The following AP1M1 variants were observed in gnomAD, a reference collection of about 807,000 sequenced individuals.
AP1M1 encodes the protein adaptor related protein complex 1 subunit mu 1.
In AP1M1, 18 loss-of-function variants were observed where a neutral mutation model predicts 57.1. The observed-to-expected ratio is 0.32, with a 90% CI of 0.22 to 0.47. AP1M1 has a LOEUF of 0.47. AP1M1 is among the 20% of genes least tolerant of loss of function. The pLI is 1.00. For missense variants in AP1M1, 362 were observed against 593.5 expected, an observed-to-expected ratio of 0.61 and a Z score of 4.05; for synonymous variants, 241 against 237.9, an observed-to-expected ratio of 1.01 and a Z score of -0.12.
intron 6 of AP1M1, chr19:16,226,774 A>C: frequency 1.9e-6 from 1 of 536,186 alleles, no homozygotes; most frequent in Non-Finnish European, 3.2e-6. Flanking sequence ...GGCCCCCGTC[A>C]CCCGGCCTCA....
At position 16,244,411 on chromosome 19, in the gene AP1M1, G is replaced by A. The variant is rs2091655522; in HGVS notation, c.*9976G>A. ...GGGCATGATGCAAGAAGAAATAAAA[G>A]CAAAGAAGTAGAAAATACATGAGAA... On this transcript the variant is annotated 3_prime_UTR_variant, in exon 12 of 12. Transcript: ENST00000291439. 6.6e-6 allele frequency: 1 copy of A among 152,182 alleles called. No homozygotes were observed. The highest frequency in any genetic ancestry group is 6.6e-5 in the Admixed American group (1 of 15,256). The allele number at this position is 152,182 out of a possible 1,614,324, so 9.4% of individuals were successfully genotyped here.
At position 16,241,743 on chromosome 19, in the gene AP1M1, C is replaced by T. The variant is rs905194259; in HGVS notation, c.*7308C>T. The T allele has an allele frequency of 6.6e-6, 1 of 152,216 alleles. No individual in the cohort carries two copies. The highest frequency in any genetic ancestry group is 2.1e-4 in the South Asian group (1 of 4,832). 9.4% of individuals were successfully genotyped at this position (152,216 alleles called of 1,614,324 possible). On this transcript the variant is annotated 3_prime_UTR_variant, in exon 12 of 12. Coordinates refer to ENST00000291439, the MANE Select transcript of AP1M1 (RefSeq NM_032493.4). ...GGCGCGGTGGCTCACGCCTGTAATC[C>T]CAGCACTTTGGGAGGCTGAGGCAGG... is the stretch of plus-strand genomic sequence containing the variant.
At chr19:16,204,075 T>C (rs1315867240) in intron 2 of AP1M1, among the ~76,000 whole-genome samples, 3 of 152,126 alleles carry the variant, frequency 2.0e-5, no homozygotes, top group Non-Finnish European at 4.4e-5. Context: ...ACAGGAAGTC[T>C]CTGGAGGCTT....
intron 4 of AP1M1, chr19:16,208,807 T>C: frequency 2.0e-6 from 1 of 504,690 alleles, no homozygotes; most frequent in Non-Finnish European, 3.5e-6. Flanking sequence ...CTCTATAACT[T>C]GAGTGTATTG....
intron 5 of AP1M1, among the ~76,000 whole-genome samples, chr19:16,220,884 A>G (rs1429958633): frequency 6.6e-6 from 1 of 152,080 alleles, no homozygotes; most frequent in Non-Finnish European, 1.5e-5. Context: ...GGCATCCATC[A>G]TTTCTGGTGA....
chr19:16,219,666 G>A (rs1419508599), intron 5 of AP1M1, among the ~76,000 whole-genome samples: 1 of 152,136 alleles, frequency 6.6e-6, no homozygotes, highest in Non-Finnish European at 1.5e-5. Context: ...CCAAAGTGCT[G>A]GGGGAATTCA....
intron 5 of AP1M1, among the ~76,000 whole-genome samples, chr19:16,215,321 C>T (rs1187325250): frequency 1.5e-5 from 2 of 137,548 alleles, no homozygotes; most frequent in Non-Finnish European, 3.2e-5. Flanking sequence ...ATTAGCAGCA[C>T]GTGGTGGTGC....
At position 16,229,746 on chromosome 19, in the gene AP1M1, C is replaced by A. The variant is rs138294493; in HGVS notation, c.1047+818C>A. Among the ~76,000 whole-genome samples the A allele has an allele frequency of 1.1e-3, 175 of 152,328 alleles. 4 individuals carry two copies. The East Asian group carries it at 0.027, about 24-fold the overall frequency. ...AAGTAGAGGAAGGAGAGAGAAAAGC[C>A]AGTTACCCCACCACCTAATACTCCC... On this transcript the variant is annotated intron_variant, in intron 9 of 11. Transcript: ENST00000291439.
At chr19:16,209,003 C>G in intron 4 of AP1M1, 27 bp from the exon 5 acceptor site, 1 of 1,606,342 alleles carries the variant, frequency 6.2e-7, no homozygotes, top group Non-Finnish European at 8.5e-7. Flanking sequence ...GTACCACCTC[C>G]TTCACTCTGA....
In AP1M1 at chr19:16,236,586, C is replaced by CTT. The variant is rs1471347390; in HGVS notation, c.*2152_*2153dup. On this transcript the variant is annotated 3_prime_UTR_variant, in exon 12 of 12. Coordinates refer to ENST00000291439, the MANE Select transcript of AP1M1 (RefSeq NM_032493.4). ...GCTGGGATCCTCGAGGGTCATGATACTTAACAGTAAAAAGATGGACTAGAA... is the reference window on the plus strand; with the variant it reads ...GCTGGGATCCTCGAGGGTCATGATACTTTTAACAGTAAAAAGATGGACTAGAA... 1 of 152,136 alleles carries CTT rather than the reference C, an allele frequency of 6.6e-6. No homozygotes were observed. Among genetic ancestry groups the CTT allele is most frequent in the Non-Finnish European group, 1.5e-5 (1 of 68,036 alleles). The allele number at this position is 152,136 out of a possible 1,614,324, so 9.4% of individuals were successfully genotyped here.
intron 5 of AP1M1, among the ~76,000 whole-genome samples, chr19:16,215,194 CGGGGGCGGGGGGGGGGGAG>C (rs1568351001): frequency 5.2e-4 from 1 of 1,922 alleles, no homozygotes; most frequent in Non-Finnish European, 1.4e-3. Flanking sequence ...GAGGCTAAGG[CGGGGGCGGGGGGGGGGGAG>C]AGGGGGGAGG....
rs1028376650 is a variant in AP1M1 at position 16,204,660 on chromosome 19, A to C, written c.199+1045A>C. Among the ~76,000 whole-genome samples, 6 of 152,070 alleles carry C rather than the reference A, an allele frequency of 3.9e-5. No homozygotes were observed. In the South Asian group the frequency reaches 6.2e-4, roughly 16 times the overall value. ...TTGGAAATGCAGAATCCCAGGCTCC[A>C]CCCAGCCCTGCCCCGTCAGAATCTG... On this transcript the variant is annotated intron_variant, in intron 2 of 11. Transcript: ENST00000291439.
chr19:16,210,829 G>C (rs907425149), intron 5 of AP1M1, among the ~76,000 whole-genome samples: 2 of 152,136 alleles, frequency 1.3e-5, no homozygotes, highest in African/African-American at 4.8e-5. Flanking sequence ...CAAAGTGCTG[G>C]GATTACAGGT....
At position 16,244,325 on chromosome 19, in the gene AP1M1, C is replaced by G. The variant is rs1467540329; in HGVS notation, c.*9890C>G. The stretch of plus-strand genomic sequence containing the variant: ...AGAGTTTGCCAGCAGCAGGCTAACA[C>G]TAAAGAAAATTGTAAACAGTGTACT... On this transcript the variant is annotated 3_prime_UTR_variant, in exon 12 of 12. Transcript: ENST00000291439. 1 of 152,116 alleles carries G rather than the reference C, an allele frequency of 6.6e-6. No homozygotes were observed. Among genetic ancestry groups the G allele is most frequent in the East Asian group, 1.9e-4 (1 of 5,194 alleles). The allele number at this position is 152,116 out of a possible 1,614,324, so 9.4% of individuals were successfully genotyped here.
chr19:16,200,510 G>A (rs1327405820), intron 1 of AP1M1, among the ~76,000 whole-genome samples: 5 of 152,150 alleles, frequency 3.3e-5, no homozygotes, highest in Admixed American at 6.5e-5. Context: ...CAAGGCAGCC[G>A]TGGGCTTCCT....
chr19:16,200,982 T>C (rs889947322), intron 1 of AP1M1, among the ~76,000 whole-genome samples: 8 of 152,184 alleles, frequency 5.3e-5, no homozygotes, highest in African/African-American at 1.9e-4. Flanking sequence ...AGCATTTCTC[T>C]GGAGATCTAG....
At chr19:16,210,495 C>A in intron 5 of AP1M1, 1 of 672,180 alleles carries the variant, frequency 1.5e-6, no homozygotes, top group Non-Finnish European at 2.8e-6. Context: ...CATCCTTTGT[C>A]AGTAGTTTTA....
chr19:16,222,231 A>G (rs1350459718), intron 5 of AP1M1, among the ~76,000 whole-genome samples: 1 of 136,378 alleles, frequency 7.3e-6, no homozygotes, highest in Admixed American at 7.9e-5. Context: ...TTTTTGAGAT[A>G]GGTTCCCACT....
Position 16,218,288 on chromosome 19 carries a change from A to G in AP1M1, c.547-8133A>G, listed in dbSNP as rs117934560. Among the ~76,000 whole-genome samples the G allele has an allele frequency of 9.9e-4, 149 of 151,252 alleles. 1 individual carries two copies. In the East Asian group the frequency reaches 0.022, roughly 23 times the overall value. ...AGTTCTTTCCTGGCTGAAACCAAGA[A>G]CCCTCCCGGGCTGTCTCAGTTTTGG... On this transcript the variant is annotated intron_variant, in intron 5 of 11. Transcript: ENST00000291439.
Sources: gnomAD v4.1 joint callset for allele counts (sites outside exome capture counted in the v4.1 genomes callset) on GRCh38, gnomAD v4.1.1 for gene constraint, MANE v1.5 for transcripts, NCBI Gene and HGNC (gene_info 2026-07-23, HGNC 2026-07-21) for gene names.